Variants in WNT7B observed in about 807,000 individuals in gnomAD.
WNT7B encodes Wnt family member 7B, also known as protein Wnt-7b.
WNT7B carries 19 observed loss-of-function variants against 38.2 expected under a neutral mutation model. That is an observed-to-expected ratio of 0.50 (90% CI 0.35 to 0.73). WNT7B has a LOEUF of 0.73. Ranked by LOEUF, WNT7B falls within the 30% of genes least tolerant of loss-of-function variation. The pLI, the probability that WNT7B is intolerant of heterozygous loss-of-function variation, is 0.01. For synonymous variants in WNT7B, 243 were observed against 209.3 expected (o/e 1.16, Z -1.39); for missense variants, 423 against 507.9 (o/e 0.83, Z 1.61).
In WNT7B at chr22:45,920,921, A is replaced by G. The variant is rs939977729; in HGVS notation, c.*1935T>C. On this transcript the variant is annotated 3_prime_UTR_variant, in exon 4 of 4. Coordinates refer to ENST00000339464, the MANE Select transcript of WNT7B (RefSeq NM_058238.3). ...CTCAGGTGTGTTCTGGGACTTGGGG[A>G]AGGTAAGGGGATGGGGCCAGGCTGA... The G allele has an allele frequency of 6.6e-6, 1 of 151,904 alleles. No homozygotes were observed. Among genetic ancestry groups the G allele is most frequent in the Non-Finnish European group, 1.5e-5 (1 of 68,046 alleles). 9.4% of individuals were successfully genotyped at this position (151,904 alleles called of 1,614,324 possible).
chr22:45,925,317 C>T (rs28609565), intron 3 of WNT7B: 107,273 of 985,322 alleles, frequency 0.11, 6,735 homozygotes, highest in East Asian at 0.43. Flanking sequence ...GTTTTCTGCT[C>T]TGCATCAGTG....
At chr22:45,973,432 C>T (rs1319568446) in intron 1 of WNT7B, among the ~76,000 whole-genome samples, 2 of 152,196 alleles carry the variant, frequency 1.3e-5, no homozygotes, top group Non-Finnish European at 2.9e-5. Flanking sequence ...ACTTCTAGAC[C>T]TGGTGTGGAG....
At chr22:45,932,432 G>A (rs2146714790) in intron 2 of WNT7B, among the ~76,000 whole-genome samples, 1 of 151,618 alleles carries the variant, frequency 6.6e-6, no homozygotes, top group South Asian at 2.1e-4. Context: ...CCCGCCAGAA[G>A]GGAGCACTTG....
intron 1 of WNT7B, chr22:45,954,662 G>T: frequency 1.1e-5 from 11 of 985,310 alleles, no homozygotes; most frequent in Non-Finnish European, 1.3e-5. Flanking sequence ...TAGAATACAG[G>T]CTCCTGCACT....
At chr22:45,923,638 G>A (rs1284109891) in intron 3 of WNT7B, among the ~76,000 whole-genome samples, 1 of 152,216 alleles carries the variant, frequency 6.6e-6, no homozygotes, top group Admixed American at 6.5e-5. Flanking sequence ...TCAAGGAGAT[G>A]CTATATCCTG....
At chr22:45,925,024 G>A (rs1333219925) in intron 3 of WNT7B, 29 of 969,620 alleles carry the variant, frequency 3.0e-5, no homozygotes, top group Non-Finnish European at 3.5e-5. Context: ...GGCAGGTGCT[G>A]GGTGGGTCCA....
Position 45,922,630 on chromosome 22 carries a change from G to T in WNT7B, c.*226C>A. The T allele has an allele frequency of 1.5e-6, 1 of 684,134 alleles. No individual in the cohort carries two copies. The highest frequency in any genetic ancestry group is 2.4e-6 in the Non-Finnish European group (1 of 422,792). 42.4% of individuals were successfully genotyped at this position (684,134 alleles called of 1,614,324 possible). ...GGCCTTGCTCTCTGGGTGGGTCACGGGTGCTGTTCTGCCGCAGGAGGTGAT... is the reference window on the plus strand; with the variant it reads ...GGCCTTGCTCTCTGGGTGGGTCACGTGTGCTGTTCTGCCGCAGGAGGTGAT... On this transcript the variant is annotated 3_prime_UTR_variant, in exon 4 of 4. Transcript: ENST00000339464.
chr22:45,976,316 G>A lies in WNT7B; in HGVS notation c.71+368C>T, dbSNP rs1436946356. Among the ~76,000 whole-genome samples the A allele has an allele frequency of 6.7e-6, 1 of 149,586 alleles. No homozygotes were observed. The highest frequency in any genetic ancestry group is 1.5e-5 in the Non-Finnish European group (1 of 67,138). On this transcript the variant is annotated intron_variant, in intron 1 of 3. Transcript: ENST00000339464. This position sits in a 1 kb window ranked among gnomAD's most constrained non-coding sequence, Gnocchi z 8.5. ...CCGGCGCACCCTCCAGGCGGCGAGC[G>A]CTCGGCCCGGGCTCGGCGCCCAGCG...
At chr22:45,968,827 C>T (rs536068922) in intron 1 of WNT7B, among the ~76,000 whole-genome samples, 2 of 152,336 alleles carry the variant, frequency 1.3e-5, no homozygotes, top group Admixed American at 1.3e-4. Flanking sequence ...TCTACACTTT[C>T]AAGTGCCAAC....
chr22:45,930,224 C>T (rs1931293964), intron 3 of WNT7B, among the ~76,000 whole-genome samples: 1 of 152,258 alleles, frequency 6.6e-6, no homozygotes, highest in Admixed American at 6.5e-5. Flanking sequence ...CTGCCCCGTG[C>T]CCAGCCTAGC....
Position 45,976,795 on chromosome 22 carries a change from G to A in WNT7B, c.-41C>T, listed in dbSNP as rs1389838451. 2 of 1,569,754 alleles carry A rather than the reference G, an allele frequency of 1.3e-6. No individual in the cohort carries two copies. Among genetic ancestry groups the A allele is most frequent in the African/African-American group, 2.7e-5 (2 of 73,146 alleles). ...GCTGCGCCATAGACAGCGGCGGCCGGAGGGGACGCGCGGGCCCGGCAGGGC... is the reference window on the plus strand; with the variant it reads ...GCTGCGCCATAGACAGCGGCGGCCGAAGGGGACGCGCGGGCCCGGCAGGGC... On this transcript the variant is annotated 5_prime_UTR_variant, in exon 1 of 4. Transcript: ENST00000339464. This position sits in a 1 kb window ranked among gnomAD's most constrained non-coding sequence, Gnocchi z 8.5.
Position 45,975,456 on chromosome 22 carries a change from G to T in WNT7B, c.71+1228C>A, listed in dbSNP as rs1264285446. 1 of 689,478 alleles carries T rather than the reference G, an allele frequency of 1.5e-6. No individual in the cohort carries two copies. The highest frequency in any genetic ancestry group is 1.8e-5 in the African/African-American group (1 of 56,532). 42.7% of individuals were successfully genotyped at this position (689,478 alleles called of 1,614,324 possible). A position where few individuals can be genotyped will look rare whatever the true frequency, so the allele number is the denominator to read the frequency against. The stretch of plus-strand genomic sequence containing the variant: ...GCCGCAGACACGCCCGCCCAGACCT[G>T]CAGGGCTCAGGCTAGGACGGGGGCT... On this transcript the variant is annotated intron_variant, in intron 1 of 3. Transcript: ENST00000339464. This position sits in a 1 kb window ranked among gnomAD's most constrained non-coding sequence, Gnocchi z 6.6.
At chr22:45,944,683 C>A (rs1931752036) in intron 2 of WNT7B, among the ~76,000 whole-genome samples, 1 of 152,264 alleles carries the variant, frequency 6.6e-6, no homozygotes, top group Non-Finnish European at 1.5e-5. Flanking sequence ...CAGGCATTGC[C>A]TCCCGGCCTG....
At position 45,965,003 on chromosome 22, in the gene WNT7B, C is replaced by A. The variant is rs150256831; in HGVS notation, c.71+11681G>T. Among the ~76,000 whole-genome samples, 933 of 152,254 alleles carry A rather than the reference C, an allele frequency of 6.1e-3. 21 individuals carry two copies. Among genetic ancestry groups the A allele is most frequent in the South Asian group, 0.054 (258 of 4,822 alleles). ...CACCTCATTGCCCAGAAGGGTCTTT[C>A]TAAAGCTCTGCTGAAGCCACTCCTC... On this transcript the variant is annotated intron_variant, in intron 1 of 3. Coordinates refer to ENST00000339464, the MANE Select transcript of WNT7B (RefSeq NM_058238.3). This position sits in a 1 kb window ranked among gnomAD's most constrained non-coding sequence, Gnocchi z 6.5.
At position 45,949,929 on chromosome 22, in the gene WNT7B, G is replaced by A; in HGVS notation, c.289C>T (p.Leu97Phe). 1 of 1,608,258 alleles carries A rather than the reference G, an allele frequency of 6.2e-7. No individual in the cohort carries two copies. The highest frequency in any genetic ancestry group is 1.1e-5 in the South Asian group (1 of 91,016). ...CCAGAGGCGCCCTTACCTACTCGGA[G>A]CTCTTGCCCGAAGACGGTCTTCTCG... ...LGEKTVFGQE[L>F]RVGSREAAFT... The change falls in exon 2 of 4, where the codon CTC becomes TTC. Residue 97 changes from leucine to phenylalanine, a missense_variant. By Grantham distance (22) the Leu-to-Phe change is conservative. Coordinates refer to ENST00000339464, the MANE Select transcript of WNT7B (RefSeq NM_058238.3).
intron 3 of WNT7B, 50 bp downstream of exon 3, chr22:45,931,048 T>G (rs1931333428): frequency 6.6e-7 from 1 of 1,515,562 alleles, no homozygotes; most frequent in Non-Finnish European, 8.8e-7. Flanking sequence ...GGTCAGCGGG[T>G]GATACAGCGG....
intron 1 of WNT7B, among the ~76,000 whole-genome samples, chr22:45,971,061 G>A (rs1359853231): frequency 6.6e-6 from 1 of 152,154 alleles, no homozygotes; most frequent in Non-Finnish European, 1.5e-5. Context: ...TGGTAGGATA[G>A]TAATTTCCTA....
At chr22:45,936,736 C>T (rs1262773022) in intron 2 of WNT7B, among the ~76,000 whole-genome samples, 1 of 152,220 alleles carries the variant, frequency 6.6e-6, no homozygotes, top group East Asian at 1.9e-4. Flanking sequence ...AGAGCTGCGC[C>T]CTCATCCACA....
chr22:45,962,602 A>C (rs1932221509), intron 1 of WNT7B, among the ~76,000 whole-genome samples: 1 of 152,168 alleles, frequency 6.6e-6, no homozygotes, highest in Non-Finnish European at 1.5e-5. Context: ...GCTCCTGAGG[A>C]AGCCGTTGGG....
Sources: allele counts gnomAD v4.1 joint callset (sites outside exome capture counted in the v4.1 genomes callset), GRCh38; gene constraint gnomAD v4.1.1; non-coding constraint Gnocchi (gnomAD v3.1); transcripts MANE v1.5; gene names NCBI Gene and HGNC (gene_info 2026-07-23, HGNC 2026-07-21).